The following PARVB variants were observed in gnomAD, a reference collection of about 807,000 sequenced individuals.
The protein encoded by PARVB is parvin beta, also known as beta-parvin.
PARVB carries 46 observed loss-of-function variants against 47.0 expected under a neutral mutation model. That is an observed-to-expected ratio of 0.98 (90% CI 0.77 to 1.25). The LOEUF (loss-of-function observed/expected upper bound fraction) is 1.25, where lower values mean the gene tolerates loss of function less well. PARVB is among the 50% of genes most tolerant of loss of function. The probability of loss-of-function intolerance (pLI) is 0.00; values close to 1 mark genes in which losing one functional copy is unlikely to be tolerated. For synonymous variants in PARVB, 196 were observed against 196.3 expected, an observed-to-expected ratio of 1.00 and a Z score of 0.01; for missense variants, 473 against 471.6, an observed-to-expected ratio of 1.00 and a Z score of -0.03.
At chr22:44,056,938 TG>T (rs1453205587) in intron 1 of PARVB, among the ~76,000 whole-genome samples, 24 of 79,326 alleles carry the variant, frequency 3.0e-4, no homozygotes, top group Non-Finnish European at 5.3e-4. Context: ...GGGGCTGAGC[TG>T]GGGGTGGAGC....
rs555759412 is a variant in PARVB at position 44,042,280 on chromosome 22, G to A, written c.112+17829G>A. Among the ~76,000 whole-genome samples the A allele has an allele frequency of 4.6e-5, 7 of 152,306 alleles. No homozygotes were observed. In the East Asian group the frequency reaches 9.7e-4, roughly 21 times the overall value. ...TACTAAAAATACAAAAATTAGCCAG[G>A]CCTGGTGGTGGGTGCCTGTAATCCC... On this transcript the variant is annotated intron_variant, in intron 1 of 12. Transcript: ENST00000338758.
intron 8 of PARVB, chr22:44,145,585 G>A (rs2053646694): frequency 6.6e-6 from 1 of 152,362 alleles, no homozygotes; most frequent in Non-Finnish European, 1.5e-5. Context: ...CTGGAGGATG[G>A]AAGTTGGGGG....
At chr22:44,166,849 A>G (rs2744985) in intron 12 of PARVB, among the ~76,000 whole-genome samples, 56,142 of 152,210 alleles carry the variant, frequency 0.37, 10,925 homozygotes, top group South Asian at 0.5. Flanking sequence ...GGGGAGCAAG[A>G]ATCAGGAGGT....
At chr22:44,008,595 G>C (rs1330684869) in intron 2 of PARVB, among the ~76,000 whole-genome samples, 3 of 152,140 alleles carry the variant, frequency 2.0e-5, no homozygotes, top group Non-Finnish European at 4.4e-5. Context: ...ATAACACTCA[G>C]ACTGTATTAG....
At chr22:44,073,167 A>C (rs2051691626) in intron 1 of PARVB, among the ~76,000 whole-genome samples, 1 of 152,190 alleles carries the variant, frequency 6.6e-6, no homozygotes, top group African/African-American at 2.4e-5. Flanking sequence ...TGTATAAAAA[A>C]CCAGACTTCT....
intron 1 of PARVB, 120 bp from the exon 2 acceptor site, chr22:44,093,808 G>A (rs576511406): frequency 3.0e-6 from 2 of 659,402 alleles, no homozygotes; most frequent in Admixed American, 2.6e-5. Context: ...GACCTTTTAG[G>A]AATGTTTGTT....
chr22:44,147,458 G>A (rs941525292), intron 8 of PARVB: 5 of 357,488 alleles, frequency 1.4e-5, no homozygotes, highest in African/African-American at 2.1e-5. Context: ...CCACCGTCGC[G>A]GGGGAAGTGG....
intron 1 of PARVB, among the ~76,000 whole-genome samples, chr22:44,075,918 A>T (rs1018220979): frequency 6.6e-6 from 1 of 152,188 alleles, no homozygotes; most frequent in African/African-American, 2.4e-5. Flanking sequence ...TCGAGCTGGG[A>T]TCAGAGCCCA....
chr22:44,035,681 C>T (rs2050909979), intron 1 of PARVB, among the ~76,000 whole-genome samples: 1 of 152,038 alleles, frequency 6.6e-6, no homozygotes, highest in African/African-American at 2.4e-5. Context: ...GTCAAGGCTT[C>T]TTGGGAGCAC....
intron 4 of PARVB, among the ~76,000 whole-genome samples, chr22:44,130,529 T>A (rs180763195): frequency 6.1e-4 from 93 of 152,386 alleles, no homozygotes; most frequent in Non-Finnish European, 4.6e-4. Flanking sequence ...GATTGTTTCC[T>A]GTTCATTCTT....
rs922534911 is a variant in PARVB at position 44,076,210 on chromosome 22, G to A, written c.113-17718G>A. On this transcript the variant is annotated intron_variant, in intron 1 of 12. Transcript: ENST00000338758. ...GAAAGAGTGGCTCCACAGCAGCTGA[G>A]TTGGGGGCCCCATGGCAGCTGAGTC... 8.5e-4 allele frequency among the ~76,000 whole-genome samples: 130 copies of A among 152,222 alleles called. 2 individuals carry two copies. Among genetic ancestry groups the A allele is most frequent in the Non-Finnish European group, 1.3e-4 (9 of 68,036 alleles).
chr22:44,079,696 G>A (rs1159208831), intron 1 of PARVB, among the ~76,000 whole-genome samples: 1 of 152,220 alleles, frequency 6.6e-6, no homozygotes, highest in Non-Finnish European at 1.5e-5. Flanking sequence ...GGGAGGCCGA[G>A]GTGGGTGGAT....
At chr22:44,076,513 A>G (rs552706132) in intron 1 of PARVB, among the ~76,000 whole-genome samples, 2 of 152,230 alleles carry the variant, frequency 1.3e-5, no homozygotes, top group Non-Finnish European at 2.9e-5. Flanking sequence ...CAGCCTCAAC[A>G]TAGCAGGAAG....
chr22:44,061,521 A>C (rs974608279), intron 1 of PARVB, among the ~76,000 whole-genome samples: 1 of 152,224 alleles, frequency 6.6e-6, no homozygotes, highest in African/African-American at 2.4e-5. Context: ...ATGGCATTAA[A>C]TAGACCATGA....
chr22:44,163,819 G>A, intron 11 of PARVB, 39 bp from the exon 12 acceptor site: 2 of 1,548,992 alleles, frequency 1.3e-6, no homozygotes, highest in African/African-American at 1.4e-5. Flanking sequence ...GGGAACGACT[G>A]TTGGACCCTA....
rs140530340 is a variant in PARVB, at chr22:44,090,405, C to T, written c.113-3523C>T. ...GCAGTCCCTGGGCGGTGTTCGTGAG[C>T]ACGTTTCTCATTTATTAAGGTCACA... is the stretch of plus-strand genomic sequence containing the variant. On this transcript the variant is annotated intron_variant, in intron 1 of 12. Coordinates refer to ENST00000338758, the MANE Select transcript of PARVB (RefSeq NM_013327.5). Among the ~76,000 whole-genome samples, 613 of 152,356 alleles carry T rather than the reference C, an allele frequency of 4.0e-3. 7 individuals are homozygous for T. The highest frequency in any genetic ancestry group is 0.014 in the African/African-American group (595 of 41,578).
upstream of PARVB, among the ~76,000 whole-genome samples, chr22:44,023,677 C>T (rs927851481): frequency 3.9e-5 from 6 of 152,264 alleles, no homozygotes; most frequent in Non-Finnish European, 7.4e-5. Context: ...GCCTGTCTCC[C>T]CTCCTCTCCC....
chr22:44,107,060 T>A (rs1350573868), intron 3 of PARVB: 2 of 152,144 alleles, frequency 1.3e-5, no homozygotes, highest in Non-Finnish European at 1.5e-5. Flanking sequence ...CCGTTAGCAG[T>A]GTAAGGGCAG....
At chr22:44,110,508 A>G (rs1400182747) in intron 3 of PARVB, 4 of 152,036 alleles carry the variant, frequency 2.6e-5, no homozygotes, top group Non-Finnish European at 5.9e-5. Context: ...GAAACAGTGG[A>G]GTGTGGGTCC....
Sources: gnomAD v4.1 joint callset for allele counts (sites outside exome capture counted in the v4.1 genomes callset) on GRCh38, gnomAD v4.1.1 for gene constraint, MANE v1.5 for transcripts, NCBI Gene and HGNC (gene_info 2026-07-23, HGNC 2026-07-21) for gene names.